Variants in COL21A1 observed in about 807,000 individuals in gnomAD.
The protein encoded by COL21A1 is collagen alpha-1(XXI) chain.
Under a neutral mutation model 137.9 loss-of-function variants are expected in COL21A1, and 149 were observed. The observed-to-expected ratio is 1.08, with a 90% CI of 0.95 to 1.24. The LOEUF (loss-of-function observed/expected upper bound fraction) is 1.24. Among genes scored for constraint, COL21A1 ranks in the 50% most tolerant of loss-of-function variants. The pLI is 0.00. For missense variants in COL21A1, 1,167 were observed against 1,158.4 expected, an observed-to-expected ratio of 1.01 and a Z score of -0.11; for synonymous variants, 456 against 391.5, an observed-to-expected ratio of 1.16 and a Z score of -1.95.
chr6:56,097,871 CTATAAAT>C (rs1562188283), intron 17 of COL21A1, among the ~76,000 whole-genome samples: 1 of 41,744 alleles, frequency 2.4e-5, no homozygotes, highest in African/African-American at 6.5e-5. Flanking sequence ...ATAAAAATAT[CTATAAAT>C]ATATAAATAT....
At chr6:56,175,602 A>G (rs1360949104) in intron 3 of COL21A1, among the ~76,000 whole-genome samples, 1 of 152,110 alleles carries the variant, frequency 6.6e-6, no homozygotes, top group Non-Finnish European at 1.5e-5. Flanking sequence ...TTGTACACTG[A>G]AAACTACAAA....
At chr6:56,135,345 T>C (rs2152228485) in intron 12 of COL21A1, among the ~76,000 whole-genome samples, 1 of 152,076 alleles carries the variant, frequency 6.6e-6, no homozygotes, top group African/African-American at 2.4e-5. Flanking sequence ...AGTAACACAA[T>C]GCCCCCAAAT....
chr6:56,120,722 A>G (rs1367753487), intron 16 of COL21A1, among the ~76,000 whole-genome samples: 4 of 151,572 alleles, frequency 2.6e-5, no homozygotes, highest in African/African-American at 7.3e-5. Context: ...TGAACCCAGG[A>G]GGCAGAGGTT....
At chr6:56,148,225 A>G (rs1445245780) in intron 10 of COL21A1, among the ~76,000 whole-genome samples, 1 of 152,130 alleles carries the variant, frequency 6.6e-6, no homozygotes, top group Non-Finnish European at 1.5e-5. Context: ...TCTCTAGGAA[A>G]GCCTTATAAA....
chr6:56,180,595 C>G (rs6933151), intron 2 of COL21A1, among the ~76,000 whole-genome samples: 100,317 of 152,026 alleles, frequency 0.66, 33,471 homozygotes, highest in East Asian at 0.86. Context: ...GGAAACACAT[C>G]TGGTCAACAC....
At chr6:56,212,956 T>G (rs1780264243) in intron 1 of COL21A1, among the ~76,000 whole-genome samples, 1 of 152,110 alleles carries the variant, frequency 6.6e-6, no homozygotes, top group African/African-American at 2.4e-5. Flanking sequence ...GACTGGATGT[T>G]GGAAGACTGA....
chr6:56,322,697 A>G (rs1001507180), intron 1 of COL21A1, among the ~76,000 whole-genome samples: 1 of 152,086 alleles, frequency 6.6e-6, no homozygotes, highest in African/African-American at 2.4e-5. Context: ...AAACTTATAC[A>G]AGATATTCCA....
intron 3 of COL21A1, among the ~76,000 whole-genome samples, chr6:56,176,771 A>C (rs1777502541): frequency 6.6e-6 from 1 of 151,864 alleles, no homozygotes; most frequent in Admixed American, 6.6e-5. Context: ...AATACTGTAC[A>C]CTTAAAGATT....
intron 3 of COL21A1, among the ~76,000 whole-genome samples, chr6:56,174,403 A>G (rs1436187377): frequency 6.6e-6 from 1 of 152,040 alleles, no homozygotes; most frequent in Admixed American, 6.6e-5. Flanking sequence ...TGGAAAAATC[A>G]ACAAAATTGA....
intron 10 of COL21A1, among the ~76,000 whole-genome samples, chr6:56,152,556 C>G (rs1775405945): frequency 6.6e-6 from 1 of 152,046 alleles, no homozygotes; most frequent in Non-Finnish European, 1.5e-5. Flanking sequence ...CATACATGTA[C>G]TAAATGAGAT....
chr6:56,283,928 T>C (rs1273490272), intron 1 of COL21A1, among the ~76,000 whole-genome samples: 5 of 151,456 alleles, frequency 3.3e-5, no homozygotes, highest in African/African-American at 9.7e-5. Flanking sequence ...AATCAAACAG[T>C]AAACATAACA....
intron 1 of COL21A1, among the ~76,000 whole-genome samples, chr6:56,358,541 G>A (rs769775310): frequency 6.6e-6 from 1 of 152,044 alleles, no homozygotes; most frequent in Non-Finnish European, 1.5e-5. Flanking sequence ...GCCTAAGGAG[G>A]CAGAAAGAGA....
At chr6:56,078,098 C>A (rs141018843) in intron 17 of COL21A1, 3 of 455,696 alleles carry the variant, frequency 6.6e-6, no homozygotes, top group East Asian at 7.0e-5. Flanking sequence ...CTTACTGATG[C>A]AATCATGAAG....
chr6:56,147,355 T>C (rs988012937), intron 10 of COL21A1, among the ~76,000 whole-genome samples: 8 of 150,426 alleles, frequency 5.3e-5, no homozygotes, highest in Non-Finnish European at 1.2e-4. Flanking sequence ...GGTTGGGGGG[T>C]TGTTTTTTGC....
intron 17 of COL21A1, among the ~76,000 whole-genome samples, chr6:56,085,391 TAAAC>T (rs1768144144): frequency 1.3e-5 from 2 of 151,998 alleles, no homozygotes; most frequent in African/African-American, 2.4e-5. Flanking sequence ...TTTTTGTCAA[TAAAC>T]AAAACACAAA....
intron 1 of COL21A1, among the ~76,000 whole-genome samples, chr6:56,184,400 C>T (rs1209505025): frequency 6.6e-6 from 1 of 151,382 alleles, no homozygotes; most frequent in Non-Finnish European, 1.5e-5. Flanking sequence ...AATGTGTAGA[C>T]ATCTAATATT....
At chr6:56,137,405 AAAC>A (rs575831557) in intron 12 of COL21A1, among the ~76,000 whole-genome samples, 87 of 152,310 alleles carry the variant, frequency 5.7e-4, no homozygotes, top group Admixed American at 1.4e-3. Context: ...ATAAAAGCAA[AAAC>A]AACAACAAAA....
chr6:56,078,600 C>T (rs1377159145), intron 17 of COL21A1, among the ~76,000 whole-genome samples: 1 of 151,610 alleles, frequency 6.6e-6, no homozygotes, highest in Non-Finnish European at 1.5e-5. Context: ...GGAGAATCTG[C>T]CATTATCTTT....
chr6:56,366,989 T>G (rs887631982), intron 1 of COL21A1, among the ~76,000 whole-genome samples: 1 of 152,198 alleles, frequency 6.6e-6, no homozygotes. Context: ...AAAAATATAA[T>G]CTTTTCAGAG....
Sources: gnomAD v4.1 joint callset for allele counts (sites outside exome capture counted in the v4.1 genomes callset) on GRCh38, gnomAD v4.1.1 for gene constraint, MANE v1.5 for transcripts, NCBI Gene and HGNC (gene_info 2026-07-23, HGNC 2026-07-21) for gene names.